The following SYNE2 variants were observed in gnomAD, a reference collection of about 807,000 sequenced individuals.
The protein encoded by SYNE2 is spectrin repeat containing nuclear envelope protein 2, also known as nesprin-2.
SYNE2 carries 431 observed loss-of-function variants against 856.3 expected under a neutral mutation model. That is an observed-to-expected ratio of 0.50 (90% confidence interval 0.47 to 0.55). The LOEUF (loss-of-function observed/expected upper bound fraction) is 0.55, where lower values mean the gene tolerates loss of function less well. SYNE2 is among the 20% of genes least tolerant of loss of function. The probability of loss-of-function intolerance (pLI) is 0.00; values close to 1 mark genes in which losing one functional copy is unlikely to be tolerated. For synonymous variants in SYNE2, 2,923 were observed against 2,872.3 expected, an observed-to-expected ratio of 1.02 and a Z score of -0.56; for missense variants, 8,129 against 8,023.2, an observed-to-expected ratio of 1.01 and a Z score of -0.50.
At chr14:64,092,422 C>G (rs1209074344) in intron 60 of SYNE2, among the ~76,000 whole-genome samples, 6 of 152,140 alleles carry the variant, frequency 3.9e-5, no homozygotes, top group Non-Finnish European at 5.9e-5. Flanking sequence ...TTGTAAGTAC[C>G]CTCGTTGTAG....
chr14:64,172,037 G>T (rs947372303), intron 94 of SYNE2, among the ~76,000 whole-genome samples: 4 of 152,102 alleles, frequency 2.6e-5, no homozygotes, highest in Non-Finnish European at 5.9e-5. Context: ...TTTTAGTAGA[G>T]ACAAGGTTTC....
At chr14:63,964,818 C>A (rs1224123375) in intron 10 of SYNE2, among the ~76,000 whole-genome samples, 1 of 152,048 alleles carries the variant, frequency 6.6e-6, no homozygotes, top group African/African-American at 2.4e-5. Flanking sequence ...GCCACAGTGC[C>A]CGGCCCCAGA....
At position 64,215,416 on chromosome 14, in the gene SYNE2, A is replaced by G. The variant is rs1202108360; in HGVS notation, c.19402+62A>G. The G allele has an allele frequency of 4.0e-6, 6 of 1,518,714 alleles. No homozygotes were observed. The African/African-American group carries it at 8.2e-5, about 21-fold the overall frequency. 94.1% of individuals were successfully genotyped at this position (1,518,714 alleles called of 1,614,324 possible). On this transcript the variant is annotated intron_variant, in intron 107 of 115. Coordinates refer to ENST00000555002, the MANE Select transcript of SYNE2 (RefSeq NM_182914.3). ...ATCCTGTGGCGCACACTGCATCCTC[A>G]ACCTCGCTCCCATGTCGTGTCTACC... is the stretch of plus-strand genomic sequence containing the variant.
chr14:64,086,672 A>G (rs2097563828), intron 57 of SYNE2, among the ~76,000 whole-genome samples: 1 of 148,886 alleles, frequency 6.7e-6, no homozygotes, highest in Non-Finnish European at 1.5e-5. Context: ...ATTTTTCTCA[A>G]CAATGTTTTG....
intron 1 of SYNE2, among the ~76,000 whole-genome samples, chr14:63,798,047 C>T (rs1183137749): frequency 6.6e-5 from 10 of 152,116 alleles, no homozygotes. Flanking sequence ...TATTAAACAC[C>T]TCTTTTCTTG....
At chr14:63,974,892 G>GTATCTATATATATATATA (rs2096527541) in intron 11 of SYNE2, among the ~76,000 whole-genome samples, 2 of 67,322 alleles carry the variant, frequency 3.0e-5, no homozygotes, top group Non-Finnish European at 6.2e-5. Flanking sequence ...GTGTGTGTGT[G>GTATCTATATATATATATA]TATATATATA....
intron 61 of SYNE2, among the ~76,000 whole-genome samples, chr14:64,095,522 A>T (rs992308075): frequency 1.3e-5 from 2 of 152,210 alleles, no homozygotes; most frequent in Admixed American, 6.5e-5. Context: ...TTTAAATCAT[A>T]GTTGTTAATA....
chr14:64,036,044 A>G (rs996036476), intron 45 of SYNE2, among the ~76,000 whole-genome samples: 1 of 152,074 alleles, frequency 6.6e-6, no homozygotes, highest in African/African-American at 2.4e-5. Context: ...AACACATTCA[A>G]ATAGGTTTTC....
At chr14:63,895,775 CAAAAAA>C (rs10544076) in intron 1 of SYNE2, among the ~76,000 whole-genome samples, 9 of 92,622 alleles carry the variant, frequency 9.7e-5, no homozygotes, top group African/African-American at 3.6e-4. Flanking sequence ...TCCAAATCTC[CAAAAAA>C]AAAAAAAAAA....
intron 1 of SYNE2, among the ~76,000 whole-genome samples, chr14:63,775,736 C>T (rs539856365): frequency 1.3e-5 from 2 of 152,232 alleles, no homozygotes; most frequent in South Asian, 2.1e-4. Context: ...TGCGTGCCAC[C>T]GCCCCTGGCT....
rs764326845 is a variant in SYNE2 at position 63,967,766 on chromosome 14, C to T, written c.1048C>T (p.Leu350=). The T allele has an allele frequency of 1.2e-6, 2 of 1,613,958 alleles. No homozygotes were observed. Among genetic ancestry groups the T allele is most frequent in the Non-Finnish European group, 1.7e-6 (2 of 1,179,876 alleles). The change falls in exon 11 of 116, where the codon CTG becomes TTG. Residue 350 remains leucine, a synonymous_variant. Coordinates refer to ENST00000555002, the MANE Select transcript of SYNE2 (RefSeq NM_182914.3). ...AGAAAAAAAGTCCTTTTTGGATGTC[C>T]TGTCAATAAAACGGGATCTGGATGA... ...NEEKKSFLDV[L]SIKRDLDELD...
Position 64,087,768 on chromosome 14 carries a change from C to T in SYNE2, c.11582C>T (p.Thr3861Ile). ...ATAATTTTTGAAACAGATGAATTAA[C>T]CCAATCCATACAAGAGTTAAGTAAT... is the stretch of plus-strand genomic sequence containing the variant. Reference protein sequence around the residue: ...LSIIFETDELTQSIQELSNQV... With the variant: ...LSIIFETDELIQSIQELSNQV... Residue 3861 changes from threonine to isoleucine, a missense_variant, in exon 58 of 116, where the codon ACC becomes ATC. This residue lies in a region of SYNE2 where 5,410 missense variants were observed against 5,284.8 expected (regional missense o/e 1.02). Transcript: ENST00000555002. 6.2e-7 allele frequency: 1 copy of T among 1,613,920 alleles called. No individual in the cohort carries two copies. Among genetic ancestry groups the T allele is most frequent in the Non-Finnish European group, 8.5e-7 (1 of 1,179,862 alleles).
intron 45 of SYNE2, among the ~76,000 whole-genome samples, chr14:64,043,061 AC>A (rs2097160495): frequency 6.6e-6 from 1 of 152,206 alleles, no homozygotes; most frequent in African/African-American, 2.4e-5. Flanking sequence ...GAGATGAGGA[AC>A]TTGTTGGGAA....
chr14:63,794,218 T>C (rs925013257), intron 1 of SYNE2, among the ~76,000 whole-genome samples: 1 of 152,230 alleles, frequency 6.6e-6, no homozygotes, highest in African/African-American at 2.4e-5. Context: ...TTATTTTTAC[T>C]TTTTATTTTA....
intron 1 of SYNE2, among the ~76,000 whole-genome samples, chr14:63,902,405 CTCAA>C (rs1365062091): frequency 1.3e-5 from 1 of 79,290 alleles, no homozygotes; most frequent in Non-Finnish European, 2.5e-5. Context: ...AACGAGACTC[CTCAA>C]AAAAAAAAAA....
In SYNE2 at chr14:64,162,286, A is replaced by G. The variant is rs765213261; in HGVS notation, c.16299+10A>G. The G allele has an allele frequency of 6.2e-7, 1 of 1,614,048 alleles. No individual in the cohort carries two copies. The highest frequency in any genetic ancestry group is 8.5e-7 in the Non-Finnish European group (1 of 1,179,980). On this transcript the variant is annotated intron_variant, in intron 88 of 115. Coordinates refer to ENST00000555002, the MANE Select transcript of SYNE2 (RefSeq NM_182914.3). ...CCTGCAGGACATAAAGGTGGGTACAAAGCCCATTTGGAAAACCAAGGCCAA... is the reference window on the plus strand; with the variant it reads ...CCTGCAGGACATAAAGGTGGGTACAGAGCCCATTTGGAAAACCAAGGCCAA...
At chr14:63,862,153 C>T (rs757083770) in intron 1 of SYNE2, among the ~76,000 whole-genome samples, 34 of 152,174 alleles carry the variant, frequency 2.2e-4, no homozygotes, top group Admixed American at 9.8e-4. Context: ...TCATGTGTAG[C>T]CATTTCCTGG....
intron 71 of SYNE2, among the ~76,000 whole-genome samples, chr14:64,125,762 T>C (rs1369967573): frequency 4.6e-5 from 7 of 152,168 alleles, no homozygotes; most frequent in Admixed American, 4.6e-4. Flanking sequence ...CCAGGCGCAA[T>C]GCATGACACT....
chr14:64,205,511 C>G (rs548330598), intron 100 of SYNE2, among the ~76,000 whole-genome samples: 13 of 152,228 alleles, frequency 8.5e-5, no homozygotes, highest in Non-Finnish European at 1.6e-4. Context: ...AAAAATAAGA[C>G]CTAAAAACAT....
Sources: allele counts gnomAD v4.1 joint callset (sites outside exome capture counted in the v4.1 genomes callset), GRCh38; gene constraint gnomAD v4.1.1; regional missense constraint gnomAD v4.1.1; transcripts MANE v1.5; gene names NCBI Gene and HGNC (gene_info 2026-07-23, HGNC 2026-07-21).